Variants in IL19 observed in about 807,000 individuals in gnomAD.
The protein encoded by IL19 is interleukin-19.
A neutral mutation model predicts 19.5 loss-of-function variants in IL19; 15 were observed. That is an observed-to-expected ratio of 0.77 (90% CI 0.52 to 1.19). The LOEUF is 1.19. Ranked by LOEUF, IL19 falls within the 50% of genes most tolerant of loss-of-function variation. The pLI, the probability that IL19 is intolerant of heterozygous loss-of-function variation, is 0.00. For synonymous variants in IL19, 78 were observed against 78.3 expected (o/e 1.00, Z 0.02); for missense variants, 199 against 213.1 (o/e 0.93, Z 0.41).
chr1:206,836,957 G>A lies in IL19; in HGVS notation c.145-1G>A. ...GTCTGTTCTTATGTTTCCCTCCACAGCAAGCTAAGGACACCTTCCCAAATG... is the reference window on the plus strand; with the variant it reads ...GTCTGTTCTTATGTTTCCCTCCACAACAAGCTAAGGACACCTTCCCAAATG... On this transcript the variant is annotated splice_acceptor_variant, in intron 3 of 6. Coordinates refer to ENST00000659997, the MANE Select transcript of IL19 (RefSeq NM_153758.5). LOFTEE classifies it high-confidence loss of function. 6.2e-7 allele frequency: 1 copy of A among 1,613,508 alleles called. No individual in the cohort carries two copies. Among genetic ancestry groups the A allele is most frequent in the Non-Finnish European group, 8.5e-7 (1 of 1,179,414 alleles).
At chr1:206,812,565 T>C (rs1463339104) in intron 2 of IL19, among the ~76,000 whole-genome samples, 1 of 152,176 alleles carries the variant, frequency 6.6e-6, no homozygotes, top group Non-Finnish European at 1.5e-5. Context: ...GGGGTGCCTT[T>C]TAGGATTTTC....
chr1:206,832,632 T>G (rs2243155), intron 2 of IL19, among the ~76,000 whole-genome samples: 1 of 152,134 alleles, frequency 6.6e-6, no homozygotes, highest in Non-Finnish European at 1.5e-5. Flanking sequence ...AAACTCCCCA[T>G]CTCCATGCAA....
chr1:206,816,622 AT>A (rs1676163397), intron 2 of IL19, among the ~76,000 whole-genome samples: 1 of 152,216 alleles, frequency 6.6e-6, no homozygotes, highest in African/African-American at 2.4e-5. Context: ...GGGCAAAGGT[AT>A]TTAAAAAAAG....
intron 2 of IL19, among the ~76,000 whole-genome samples, chr1:206,824,090 G>A (rs993250437): frequency 6.6e-6 from 1 of 152,208 alleles, no homozygotes; most frequent in African/African-American, 2.4e-5. Context: ...CTCAAGCACT[G>A]TTACTTGATA....
chr1:206,783,458 G>A (rs562418352), intron 1 of IL19, among the ~76,000 whole-genome samples: 69 of 152,182 alleles, frequency 4.5e-4, no homozygotes, highest in Non-Finnish European at 8.5e-4. Flanking sequence ...TGGGTGATCT[G>A]AGACTGTTCC....
chr1:206,776,532 T>A (rs1449995389), intron 1 of IL19, among the ~76,000 whole-genome samples: 1 of 151,918 alleles, frequency 6.6e-6, no homozygotes, highest in Non-Finnish European at 1.5e-5. Context: ...ATTAGAGCAG[T>A]CATCGGCCAA....
chr1:206,832,798 T>A (rs559781466), intron 2 of IL19, among the ~76,000 whole-genome samples: 1 of 152,334 alleles, frequency 6.6e-6, no homozygotes, highest in African/African-American at 2.4e-5. Flanking sequence ...TGTGAACCAC[T>A]ATAGTCTACC....
At chr1:206,791,405 C>T (rs556705107) in intron 1 of IL19, among the ~76,000 whole-genome samples, 3 of 151,550 alleles carry the variant, frequency 2.0e-5, no homozygotes, top group Admixed American at 6.6e-5. Flanking sequence ...TGGGTTCAAG[C>T]GGTTCTTCTG....
chr1:206,811,030 C>T (rs557186911), intron 2 of IL19, among the ~76,000 whole-genome samples: 3 of 152,324 alleles, frequency 2.0e-5, no homozygotes, highest in African/African-American at 7.2e-5. Flanking sequence ...GTCTGCAGAA[C>T]TGCGAGCCAA....
At chr1:206,797,365 A>G (rs1165947435) in intron 1 of IL19, among the ~76,000 whole-genome samples, 1 of 152,094 alleles carries the variant, frequency 6.6e-6, no homozygotes, top group Non-Finnish European at 1.5e-5. Flanking sequence ...CTAAGCAGAC[A>G]CATGGACGTC....
intron 1 of IL19, among the ~76,000 whole-genome samples, chr1:206,789,812 G>A (rs1020516221): frequency 6.6e-6 from 1 of 152,170 alleles, no homozygotes; most frequent in African/African-American, 2.4e-5. Flanking sequence ...CGACTTACAA[G>A]TGAGAACATG....
chr1:206,801,169 TAA>T (rs56281649), intron 2 of IL19, among the ~76,000 whole-genome samples: 4 of 144,832 alleles, frequency 2.8e-5, no homozygotes, highest in Admixed American at 6.8e-5. Flanking sequence ...ATTCGTAGTT[TAA>T]AAAAAAAAAA....
intron 1 of IL19, among the ~76,000 whole-genome samples, chr1:206,786,533 G>T (rs555304109): frequency 1.3e-5 from 2 of 152,324 alleles, no homozygotes; most frequent in African/African-American, 4.8e-5. Context: ...TGTGACCATA[G>T]CTGGGGCTGC....
intron 1 of IL19, among the ~76,000 whole-genome samples, chr1:206,793,663 T>G (rs530683419): frequency 6.6e-6 from 1 of 152,154 alleles, no homozygotes; most frequent in African/African-American, 2.4e-5. Flanking sequence ...CCTTTCACCC[T>G]CCATTTTATG....
At position 206,820,371 on chromosome 1, in the gene IL19, G is replaced by A. The variant is rs573219732; in HGVS notation, c.-2-16290G>A. On this transcript the variant is annotated intron_variant, in intron 2 of 6. Coordinates refer to ENST00000659997, the MANE Select transcript of IL19 (RefSeq NM_153758.5). ...TCTACTCTTATCTCCAGATTCTGAG[G>A]GATATGTTCTATATTTGGAGCCTAA... Among the ~76,000 whole-genome samples, 6 of 152,164 alleles carry A rather than the reference G, an allele frequency of 3.9e-5. No individual in the cohort carries two copies. In the East Asian group the frequency reaches 9.6e-4, roughly 24 times the overall value.
rs555801164 is a variant in IL19, at chr1:206,801,800, C to T, written c.-3+2794C>T. On this transcript the variant is annotated intron_variant, in intron 2 of 6. Coordinates refer to ENST00000659997, the MANE Select transcript of IL19 (RefSeq NM_153758.5). Reference sequence around the variant, plus strand: ...GACTAGACCTTAATCATCTCTATATCCCTGGTCATGAGCAACAGTGCCTGA... The same window carrying T: ...GACTAGACCTTAATCATCTCTATATTCCTGGTCATGAGCAACAGTGCCTGA... 3.0e-4 allele frequency among the ~76,000 whole-genome samples: 45 copies of T among 152,310 alleles called. No homozygotes were observed. The East Asian group carries it at 7.7e-3, about 26-fold the overall frequency.
chr1:206,835,237 G>C (rs776668959), intron 2 of IL19, among the ~76,000 whole-genome samples: 2 of 152,152 alleles, frequency 1.3e-5, no homozygotes, highest in Non-Finnish European at 2.9e-5. Context: ...CTTTCTAGAA[G>C]CACCCCAGTA....
chr1:206,815,968 T>A (rs1462511876), intron 2 of IL19, among the ~76,000 whole-genome samples: 1 of 152,210 alleles, frequency 6.6e-6, no homozygotes, highest in East Asian at 1.9e-4. Context: ...GCTTTTATTA[T>A]ACGTTGTTTT....
rs1190298917 is a variant in IL19 at position 206,799,026 on chromosome 1, G to A, written c.-3+20G>A. 2 of 1,517,822 alleles carry A rather than the reference G, an allele frequency of 1.3e-6. No individual in the cohort carries two copies. The highest frequency in any genetic ancestry group is 1.1e-5 in the South Asian group (1 of 89,098). 94.0% of individuals were successfully genotyped at this position (1,517,822 alleles called of 1,614,324 possible). A position where few individuals can be genotyped will look rare whatever the true frequency, so the allele number is the denominator to read the frequency against. Reference sequence around the variant, plus strand: ...CACGGGGTAAGTAATTTCTGCTATAGGGACCCTGGATGTGGAGCCATTCTC... The same window carrying A: ...CACGGGGTAAGTAATTTCTGCTATAAGGACCCTGGATGTGGAGCCATTCTC... On this transcript the variant is annotated intron_variant, in intron 2 of 6. Coordinates refer to ENST00000659997, the MANE Select transcript of IL19 (RefSeq NM_153758.5).
Sources: gnomAD v4.1 joint callset for allele counts (sites outside exome capture counted in the v4.1 genomes callset) on GRCh38, gnomAD v4.1.1 for gene constraint, MANE v1.5 for transcripts, NCBI Gene and HGNC (gene_info 2026-07-23, HGNC 2026-07-21) for gene names.